RYR2: variants seen among roughly 807,000 people sequenced by gnomAD.
RYR2 encodes the protein cardiac muscle ryanodine receptor-calcium release channel.
In RYR2, 227 loss-of-function variants were observed where a neutral mutation model predicts 601.1. The observed-to-expected ratio is 0.38, with a 90% CI of 0.34 to 0.42. The LOEUF (loss-of-function observed/expected upper bound fraction) is 0.42, where lower values mean the gene tolerates loss of function less well. Among genes scored for constraint, RYR2 ranks in the 10% least tolerant of loss-of-function variants. The pLI is 1.00. For missense variants in RYR2, 4,646 were observed against 6,156.5 expected (o/e 0.75, Z 8.21); for synonymous variants, 2,223 against 2,175.1 (o/e 1.02, Z -0.61).
At chr1:237,240,659 A>ATAT (rs1318913375) in intron 1 of RYR2, among the ~76,000 whole-genome samples, 37 of 135,750 alleles carry the variant, frequency 2.7e-4, no homozygotes, top group African/African-American at 9.9e-4. Context: ...CCCCCTCTAT[A>ATAT]AAAGCCAAAA....
intron 2 of RYR2, among the ~76,000 whole-genome samples, chr1:237,272,127 CAAAAAGAAAAG>C (rs1689751540): frequency 6.6e-6 from 1 of 151,724 alleles, no homozygotes; most frequent in African/African-American, 2.4e-5. Flanking sequence ...AAGATTCTGT[CAAAAAGAAAAG>C]AAAAAGAAAG....
chr1:237,474,284 CAT>C (rs1553465107), intron 17 of RYR2, among the ~76,000 whole-genome samples: 13 of 48,610 alleles, frequency 2.7e-4, no homozygotes, highest in Non-Finnish European at 3.4e-4. Flanking sequence ...CACACACACA[CAT>C]ATATATATAT....
At chr1:237,044,665 A>C (rs12123625) in intron 1 of RYR2, among the ~76,000 whole-genome samples, 49 of 149,260 alleles carry the variant, frequency 3.3e-4, no homozygotes, top group Non-Finnish European at 2.7e-4. Context: ...TTGGTATAGC[A>C]TTAACATCTA....
chr1:237,086,987 T>A lies in RYR2; in HGVS notation c.48+44418T>A, dbSNP rs560650036. Among the ~76,000 whole-genome samples the A allele has an allele frequency of 2.0e-5, 3 of 152,304 alleles. No individual in the cohort carries two copies. The South Asian group carries it at 6.2e-4, about 32-fold the overall frequency. ...TCTCGGATTATAGTGTTATGGCTTG[T>A]TGTGCCAGAGAGTTCTTCTCTTTTC... is the stretch of plus-strand genomic sequence containing the variant. On this transcript the variant is annotated intron_variant, in intron 1 of 104. Transcript: ENST00000366574.
At chr1:237,658,069 G>C in intron 54 of RYR2, 47 bp downstream of exon 54, 1 of 1,037,384 alleles carries the variant, frequency 9.6e-7, no homozygotes, top group Non-Finnish European at 1.4e-6. Context: ...ATTAATGACT[G>C]GTCACTGTTC....
rs752107643 is a variant in RYR2, at chr1:237,590,782, C to T, written c.3950C>T (p.Thr1317Met). The T allele has an allele frequency of 9.9e-6, 16 of 1,613,774 alleles. No homozygotes were observed. The highest frequency in any genetic ancestry group is 5.3e-5 in the African/African-American group (4 of 74,896). Residue 1317 changes from threonine (T) to methionine (M), a missense_variant, in exon 31 of 105, where the codon ACG (threonine) becomes ATG (methionine). This residue lies in a region of RYR2 where 1,807 missense variants were observed against 2,088.1 expected (regional missense o/e 0.87). Coordinates refer to ENST00000366574, the MANE Select transcript of RYR2 (RefSeq NM_001035.3). The part of the protein sequence containing the change: ...PIECAEVFSK[T>M]VAGGLPGAGL... ...GAGTGCGCGGAGGTCTTCTCCAAGA[C>T]GGTGGCTGGAGGGCTCCCTGGGGCT...
intron 2 of RYR2, among the ~76,000 whole-genome samples, chr1:237,272,447 C>T (rs1372216449): frequency 1.3e-5 from 2 of 151,886 alleles, no homozygotes; most frequent in Non-Finnish European, 1.5e-5. Flanking sequence ...GCTACACTCT[C>T]TCTTCTCCCT....
At chr1:237,651,898 G>T (rs539419239) in intron 51 of RYR2, among the ~76,000 whole-genome samples, 6 of 152,126 alleles carry the variant, frequency 3.9e-5, no homozygotes, top group African/African-American at 1.4e-4. Context: ...TTAGCCGGAC[G>T]TGGTGGTGGG....
At chr1:237,612,914 A>G (rs1233791622) in intron 36 of RYR2, among the ~76,000 whole-genome samples, 2 of 152,236 alleles carry the variant, frequency 1.3e-5, no homozygotes, top group Non-Finnish European at 2.9e-5. Context: ...TCCAAATGAT[A>G]TGGAACATGA....
chr1:237,759,091 TTTTTGTTTTG>T (rs926335501), intron 82 of RYR2, among the ~76,000 whole-genome samples: 77 of 152,102 alleles, frequency 5.1e-4, no homozygotes, highest in African/African-American at 6.0e-4. Context: ...TGTTCGGGGT[TTTTTGTTTTG>T]TTTTGTTTTG....
chr1:237,341,532 T>A (rs1697789752), intron 3 of RYR2: 1 of 432,452 alleles, frequency 2.3e-6, no homozygotes, highest in Non-Finnish European at 4.8e-6. Flanking sequence ...GCGGTCTGTT[T>A]ATTGCCTTCC....
At chr1:237,308,721 T>G (rs1285133879) in intron 2 of RYR2, among the ~76,000 whole-genome samples, 2 of 151,972 alleles carry the variant, frequency 1.3e-5, no homozygotes, top group African/African-American at 2.4e-5. Context: ...ACCCAAAGAG[T>G]GAGCAGCAGC....
intron 49 of RYR2, 52 bp from the exon 50 acceptor site, chr1:237,649,825 G>T (rs1295972421): frequency 5.3e-6 from 8 of 1,513,424 alleles, no homozygotes; most frequent in South Asian, 1.2e-5. Flanking sequence ...TCCCTTTGAA[G>T]ATTATCTACT....
chr1:237,193,292 C>T (rs1680204956), intron 1 of RYR2, among the ~76,000 whole-genome samples: 1 of 151,816 alleles, frequency 6.6e-6, no homozygotes, highest in Non-Finnish European at 1.5e-5. Flanking sequence ...GGTGAAACCC[C>T]GTCTCTACTA....
At chr1:237,827,868 C>T (rs1257631118) in intron 101 of RYR2, among the ~76,000 whole-genome samples, 6 of 121,004 alleles carry the variant, frequency 5.0e-5, no homozygotes, top group African/African-American at 9.2e-5. Flanking sequence ...ACCCGGGAGG[C>T]GGAGCTTGCA....
At chr1:237,213,412 A>G (rs544814460) in intron 1 of RYR2, among the ~76,000 whole-genome samples, 4 of 152,230 alleles carry the variant, frequency 2.6e-5, no homozygotes, top group Middle Eastern at 6.8e-3. Flanking sequence ...TCCTGAGCTC[A>G]AGTGATCGTC....
chr1:237,334,522 T>A (rs1697068971), intron 3 of RYR2, among the ~76,000 whole-genome samples: 1 of 151,892 alleles, frequency 6.6e-6, no homozygotes, highest in Non-Finnish European at 1.5e-5. Context: ...TTAGCTTTTA[T>A]TCTTATTAAA....
chr1:237,519,768 T>C (rs1481268331), intron 24 of RYR2, among the ~76,000 whole-genome samples: 1 of 152,216 alleles, frequency 6.6e-6, no homozygotes, highest in Non-Finnish European at 1.5e-5. Flanking sequence ...TTGGACTCTT[T>C]CTTGTTCCAT....
At chr1:237,572,089 A>T (rs1408480953) in intron 29 of RYR2, among the ~76,000 whole-genome samples, 1 of 152,094 alleles carries the variant, frequency 6.6e-6, no homozygotes. Flanking sequence ...TATTTTGAAC[A>T]CTTATCTCCG....
Sources: gnomAD v4.1 joint callset for allele counts (sites outside exome capture counted in the v4.1 genomes callset) on GRCh38, gnomAD v4.1.1 for gene constraint, gnomAD v4.1.1 regional missense constraint, MANE v1.5 for transcripts, NCBI Gene and HGNC (gene_info 2026-07-23, HGNC 2026-07-21) for gene names.